The following SPATA13 variants were observed in gnomAD, a reference collection of about 807,000 sequenced individuals.
SPATA13 encodes spermatogenesis associated 13.
In SPATA13, 50 loss-of-function variants were observed where a neutral mutation model predicts 104.0. The observed-to-expected ratio is 0.48, with a 90% confidence interval of 0.38 to 0.61. The LOEUF (loss-of-function observed/expected upper bound fraction) is 0.61, where lower values mean the gene tolerates loss of function less well. Among genes scored for constraint, SPATA13 ranks in the 20% least tolerant of loss-of-function variants. The probability of loss-of-function intolerance (pLI) is 0.00; values close to 1 mark genes in which losing one functional copy is unlikely to be tolerated. For synonymous variants in SPATA13, 606 were observed against 667.5 expected, an observed-to-expected ratio of 0.91 and a Z score of 1.42; for missense variants, 1,524 against 1,690.6, an observed-to-expected ratio of 0.90 and a Z score of 1.73.
At chr13:24,155,998 A>T (rs9507263), upstream of SPATA13, among the ~76,000 whole-genome samples, 64,735 of 152,030 alleles carry the variant, frequency 0.43, 15,771 homozygotes, top group Admixed American at 0.57. Flanking sequence ...CCTGTGTTGC[A>T]GCGTGTGTCG....
chr13:24,249,984 G>T (rs1011976492), intron 3 of SPATA13, 142 bp downstream of exon 3: 68 of 1,139,970 alleles, frequency 6.0e-5, no homozygotes, highest in Non-Finnish European at 7.8e-5. Flanking sequence ...TTTTCTTCCT[G>T]ACTGTGTGAA....
intron 4 of SPATA13, among the ~76,000 whole-genome samples, chr13:24,262,816 A>C (rs933431450): frequency 6.6e-6 from 1 of 152,252 alleles, no homozygotes; most frequent in Non-Finnish European, 1.5e-5. Context: ...ATTTAACTGC[A>C]CTAATCAGTG....
Position 24,013,250 on chromosome 13 carries a change from C to T in SPATA13, c.-146-4417C>T, listed in dbSNP as rs189112917. On this transcript the variant is annotated intron_variant, in intron 2 of 14. Coordinates refer to the SPATA13 transcript ENST00000424834. ...CAAGGAACTTCTCCTCAGCTCAGCT[C>T]CCGCTCTGTAAGTGGAACTCTGATT... Among the ~76,000 whole-genome samples, 312 of 152,316 alleles carry T rather than the reference C, an allele frequency of 2.0e-3. 2 individuals are homozygous for T. Among genetic ancestry groups the T allele is most frequent in the African/African-American group, 7.2e-3 (298 of 41,580 alleles).
intron 3 of SPATA13, among the ~76,000 whole-genome samples, chr13:24,052,836 T>TCCCCCCCCCCCCCCCCCCCCCCCCCC (rs1878392957): frequency 2.2e-4 from 3 of 13,626 alleles, no homozygotes; most frequent in Admixed American, 1.0e-3. Flanking sequence ...CAGGGGATCC[T>TCCCCCCCCCCCCCCCCCCCCCCCCCC]CCCCGCCACT....
Position 24,088,228 on chromosome 13 carries a change from G to A in SPATA13, c.-112+70527G>A, listed in dbSNP as rs2137787360. On this transcript the variant is annotated intron_variant, in intron 3 of 14. Coordinates refer to the SPATA13 transcript ENST00000424834. The surrounding 1 kb of genome is among the most constrained non-coding windows in gnomAD (Gnocchi z 4.3). ...TAATGCTCCCTAGGCAGCACTGGATGCCCACAGTGTTTGAGGTAGGGATTG... is the reference window on the plus strand; with the variant it reads ...TAATGCTCCCTAGGCAGCACTGGATACCCACAGTGTTTGAGGTAGGGATTG... Among the ~76,000 whole-genome samples the A allele has an allele frequency of 6.6e-6, 1 of 152,304 alleles. No individual in the cohort carries two copies.
chr13:24,252,160 G>A (rs1873531385), intron 4 of SPATA13, among the ~76,000 whole-genome samples: 3 of 152,206 alleles, frequency 2.0e-5, no homozygotes, highest in Admixed American at 6.5e-5. Context: ...CTAGAAATCC[G>A]AGATCAACAC....
At position 24,205,725 on chromosome 13, in the gene SPATA13, C is replaced by T. The variant is rs894125956; in HGVS notation, c.-111-17094C>T. 1.3e-5 allele frequency among the ~76,000 whole-genome samples: 2 copies of T among 152,054 alleles called. No homozygotes were observed. Among genetic ancestry groups the T allele is most frequent in the African/African-American group, 4.8e-5 (2 of 41,414 alleles). Reference sequence around the variant, plus strand: ...TAACCAAAATCACATGGTACTGGTACAAGAACAGACAAATAGACAAATGGA... The same window carrying T: ...TAACCAAAATCACATGGTACTGGTATAAGAACAGACAAATAGACAAATGGA... On this transcript the variant is annotated intron_variant, in intron 1 of 12. Transcript: ENST00000382108. The surrounding 1 kb of genome is among the most constrained non-coding windows in gnomAD (Gnocchi z 4.1).
chr13:24,290,509 G>T, intron 8 of SPATA13, 143 bp from the exon 9 acceptor site: 1 of 676,680 alleles, frequency 1.5e-6, no homozygotes, highest in East Asian at 2.6e-5. Context: ...GGGTGCCAGC[G>T]GATTTCATGC....
chr13:24,158,609 C>T (rs1882333646), upstream of SPATA13, among the ~76,000 whole-genome samples: 2 of 152,174 alleles, frequency 1.3e-5, no homozygotes, highest in Admixed American at 1.3e-4. Context: ...AATCTGAACC[C>T]AGACATATCT....
In SPATA13 at chr13:24,138,859, T is replaced by TGG. The variant is rs538468347; in HGVS notation, c.-111-83958_-111-83957dup. ...CTCCTGCCTTGGCCTCCCAAAGTGC[T>TGG]GGGAACACAGGCATGAGACACCATG... On this transcript the variant is annotated intron_variant, in intron 3 of 14. Coordinates refer to the SPATA13 transcript ENST00000424834. Among the ~76,000 whole-genome samples, 30 of 151,972 alleles carry TGG rather than the reference T, an allele frequency of 2.0e-4. No homozygotes were observed. In the East Asian group the frequency reaches 4.8e-3, roughly 24 times the overall value.
intron 3 of SPATA13, among the ~76,000 whole-genome samples, chr13:24,139,148 G>A (rs930845529): frequency 6.6e-6 from 1 of 151,876 alleles, no homozygotes; most frequent in Non-Finnish European, 1.5e-5. Context: ...CTGTTCCTGG[G>A]TCTACACACG....
At chr13:23,995,333 C>T (rs933761931) in intron 2 of SPATA13, among the ~76,000 whole-genome samples, 2 of 152,162 alleles carry the variant, frequency 1.3e-5, no homozygotes, top group African/African-American at 2.4e-5. Context: ...TTAATCAAAT[C>T]CAAGTGATGA....
intron 3 of SPATA13, among the ~76,000 whole-genome samples, chr13:24,124,577 C>T (rs1881147681): frequency 6.6e-6 from 1 of 152,176 alleles, no homozygotes; most frequent in African/African-American, 2.4e-5. Flanking sequence ...TGAATTTAGT[C>T]ATAGTCCATC....
At chr13:24,123,188 T>A in intron 3 of SPATA13, 2 of 1,339,016 alleles carry the variant, frequency 1.5e-6, no homozygotes, top group East Asian at 4.6e-5. Context: ...GTCTGATGAA[T>A]GGTGTGATAT....
chr13:24,298,090 G>A (rs1315709323), intron 11 of SPATA13, among the ~76,000 whole-genome samples: 2 of 152,174 alleles, frequency 1.3e-5, no homozygotes, highest in Admixed American at 6.5e-5. Context: ...TTGCACTGTG[G>A]CCACATAACA....
chr13:23,980,069 TAGG>T (rs1874804833), intron 1 of SPATA13: 1 of 151,734 alleles, frequency 6.6e-6, no homozygotes, highest in African/African-American at 2.4e-5. Context: ...CGGCTCCGGG[TAGG>T]AGAAGGGATA....
chr13:24,003,064 C>T (rs1876054799), intron 2 of SPATA13, among the ~76,000 whole-genome samples: 1 of 152,202 alleles, frequency 6.6e-6, no homozygotes, highest in Non-Finnish European at 1.5e-5. Flanking sequence ...TGGCCATTGA[C>T]TCAGTCTTCC....
At chr13:24,189,763 A>AATATATTATATATAAAAACATATATAAT (rs1869447297) in intron 1 of SPATA13, among the ~76,000 whole-genome samples, 1 of 53,800 alleles carries the variant, frequency 1.9e-5, no homozygotes, top group African/African-American at 7.1e-5. Flanking sequence ...TATAATATAT[A>AATATATTATATATAAAAACATATATAAT]ATATATTATA....
rs574832935 is a variant in SPATA13, at chr13:24,249,811, A to G, written c.1988A>G (p.Gln663Arg). ...IGGVSLYGTN[Q>R]TEELDNLLTQ... The stretch of plus-strand genomic sequence containing the variant: ...GGGGTCAGCTTGTATGGGACCAACC[A>G]GACGGAGGAACTGGACAATCTTCTG... Residue 663 changes from glutamine (Q) to arginine (R), a missense_variant, in exon 3 of 13, where the codon CAG (glutamine) becomes CGG (arginine). Physicochemically the swap from Gln to Arg is conservative, Grantham distance 43. This residue lies in a region of SPATA13 where 1,089 missense variants were observed against 1,135.9 expected (regional missense o/e 0.96). Transcript: ENST00000382108. 2.5e-6 allele frequency: 4 copies of G among 1,610,342 alleles called. No individual in the cohort carries two copies. The highest frequency in any genetic ancestry group is 3.4e-5 in the Admixed American group (2 of 59,510).
Sources: allele counts gnomAD v4.1 joint callset (sites outside exome capture counted in the v4.1 genomes callset), GRCh38; gene constraint gnomAD v4.1.1; regional missense constraint gnomAD v4.1.1; non-coding constraint Gnocchi (gnomAD v3.1); transcripts MANE v1.5; gene names NCBI Gene and HGNC (gene_info 2026-07-23, HGNC 2026-07-21).